The following RPTOR variants were observed in gnomAD, a reference collection of about 807,000 sequenced individuals.
RPTOR encodes the protein regulatory associated protein of MTOR complex 1, also known as regulatory-associated protein of mTOR.
Under a neutral mutation model 169.9 loss-of-function variants are expected in RPTOR, and 21 were observed. That is an observed-to-expected ratio of 0.12 (90% confidence interval 0.09 to 0.18). RPTOR has a LOEUF of 0.18. Ranked by LOEUF, RPTOR falls within the 10% of genes least tolerant of loss-of-function variation. RPTOR has a pLI of 1.00. For synonymous variants in RPTOR, 732 were observed against 753.2 expected, an observed-to-expected ratio of 0.97 and a Z score of 0.46; for missense variants, 1,133 against 1,855.9, an observed-to-expected ratio of 0.61 and a Z score of 7.16.
rs992024271 is a variant in RPTOR, at chr17:80,925,442, G to A, written c.2881G>A (p.Asp961Asn). ...ISATVQTGFC[D>N]WSARYFAQPV... ...CGCCACGGTGCAGACGGGGTTCTGC[G>A]ACTGGAGCGCCCGCTATTTTGCCCA... The change falls in exon 24 of 34, where the codon GAC (aspartate) becomes AAC (asparagine). Residue 961 changes from aspartate to asparagine, a missense_variant. Coordinates refer to ENST00000306801, the MANE Select transcript of RPTOR (RefSeq NM_020761.3). The A allele has an allele frequency of 2.7e-5, 44 of 1,613,442 alleles. No homozygotes were observed. Among genetic ancestry groups the A allele is most frequent in the Non-Finnish European group, 3.4e-5 (40 of 1,180,048 alleles).
At chr17:80,922,282 G>A (rs1231989211) in intron 21 of RPTOR, among the ~76,000 whole-genome samples, 1 of 152,228 alleles carries the variant, frequency 6.6e-6, no homozygotes, top group Non-Finnish European at 1.5e-5. Context: ...TGACCCGAGA[G>A]CTGAGGTGTT....
intron 28 of RPTOR, among the ~76,000 whole-genome samples, chr17:80,956,088 G>C (rs1276541910): frequency 6.6e-6 from 1 of 152,318 alleles, no homozygotes; most frequent in South Asian, 2.1e-4. Context: ...GGCATGTTAC[G>C]TTGTTGATGA....
intron 3 of RPTOR, among the ~76,000 whole-genome samples, chr17:80,648,495 A>C (rs2065613974): frequency 2.0e-5 from 3 of 151,986 alleles, no homozygotes; most frequent in South Asian, 4.2e-4. Context: ...ATGTGTGACA[A>C]ACTGTGAAAC....
chr17:80,580,580 G>A (rs977026290), intron 1 of RPTOR, among the ~76,000 whole-genome samples: 9 of 152,032 alleles, frequency 5.9e-5, no homozygotes, highest in African/African-American at 1.7e-4. Context: ...TATGCCCTTC[G>A]TCCACTTGTA....
chr17:80,776,279 T>TAGGTCAA (rs1403441207), intron 6 of RPTOR, among the ~76,000 whole-genome samples: 1 of 151,654 alleles, frequency 6.6e-6, no homozygotes, highest in Non-Finnish European at 1.5e-5. Context: ...ATAAGATCAG[T>TAGGTCAA]AGGTCAAAGT....
intron 2 of RPTOR, among the ~76,000 whole-genome samples, chr17:80,640,717 TG>T (rs995159806): frequency 6.6e-6 from 1 of 152,020 alleles, no homozygotes; most frequent in African/African-American, 2.4e-5. Flanking sequence ...CTGCCAACAC[TG>T]GGGAGAGGGT....
At chr17:80,847,571 G>T (rs2067746149) in intron 11 of RPTOR, among the ~76,000 whole-genome samples, 1 of 152,236 alleles carries the variant, frequency 6.6e-6, no homozygotes, top group African/African-American at 2.4e-5. Context: ...GCATGGCCGT[G>T]GGGAGGGGCT....
intron 2 of RPTOR, 50 bp downstream of exon 2, chr17:80,625,843 T>G (rs1567825953): frequency 3.6e-6 from 5 of 1,377,146 alleles, no homozygotes; most frequent in Non-Finnish European, 4.1e-6. Context: ...TGGCCGGCTC[T>G]GGCCTGGGCG....
intron 7 of RPTOR, among the ~76,000 whole-genome samples, chr17:80,821,907 A>G (rs1478194801): frequency 6.6e-6 from 1 of 152,184 alleles, no homozygotes; most frequent in East Asian, 1.9e-4. Context: ...TCATCGGTCC[A>G]TGGGAACCAT....
chr17:80,882,508 C>G (rs146448084), intron 14 of RPTOR, among the ~76,000 whole-genome samples: 4 of 152,204 alleles, frequency 2.6e-5, no homozygotes, highest in Non-Finnish European at 5.9e-5. Context: ...GAGCCCTCGG[C>G]GTGCGAGGAA....
At chr17:80,847,981 G>A (rs999163623) in intron 11 of RPTOR, among the ~76,000 whole-genome samples, 5 of 152,250 alleles carry the variant, frequency 3.3e-5, no homozygotes. Flanking sequence ...TGCAGCAGTG[G>A]CAGCCAGCGT....
At position 80,545,586 on chromosome 17, in the gene RPTOR, T is replaced by C; in HGVS notation, c.-44T>C. 6.6e-7 allele frequency: 1 copy of C among 1,510,034 alleles called. No homozygotes were observed. Among genetic ancestry groups the C allele is most frequent in the East Asian group, 2.3e-5 (1 of 42,874 alleles). The allele number at this position is 1,510,034 out of a possible 1,614,324, so 93.5% of individuals were successfully genotyped here. On this transcript the variant is annotated 5_prime_UTR_variant, in exon 1 of 34. Transcript: ENST00000306801. ...CGCTAGTTTTTAAGGCTGGAGGTTC[T>C]CGAGCGCTTGCTGCCAAGGACTCCC...
rs2068003825 is a variant in RPTOR at position 80,867,268 on chromosome 17, T to C, written c.1509+9368T>C. ...ATTTTTAAAGAGAGAAAAGTCCATG[T>C]AATTTACCATATTAAAAAAAGATGA... On this transcript the variant is annotated intron_variant, in intron 13 of 33. Transcript: ENST00000306801. Among the ~76,000 whole-genome samples, 4 of 152,082 alleles carry C rather than the reference T, an allele frequency of 2.6e-5. 1 individual carries two copies. The highest frequency in any genetic ancestry group is 7.2e-5 in the African/African-American group (3 of 41,408).
rs149664578 is a variant in RPTOR, at chr17:80,745,192, T to C, written c.655-8818T>C. 7.1e-3 allele frequency among the ~76,000 whole-genome samples: 1,082 copies of C among 152,378 alleles called. 4 individuals carry two copies. Among genetic ancestry groups the C allele is most frequent in the Non-Finnish European group, 0.011 (778 of 68,026 alleles). On this transcript the variant is annotated intron_variant, in intron 5 of 33. Coordinates refer to ENST00000306801, the MANE Select transcript of RPTOR (RefSeq NM_020761.3). ...TGAGAGAAATTAGTGTAATTTCTAA[T>C]TGACCATCTTCACAGAGTTGTAGAA...
At chr17:80,893,091 G>C (rs946122942) in intron 19 of RPTOR, among the ~76,000 whole-genome samples, 6 of 152,230 alleles carry the variant, frequency 3.9e-5, no homozygotes, top group Non-Finnish European at 7.3e-5. Flanking sequence ...TTACCAATGC[G>C]GCAGGGAGCT....
At chr17:80,785,910 G>T (rs977509978) in intron 6 of RPTOR, among the ~76,000 whole-genome samples, 1 of 152,192 alleles carries the variant, frequency 6.6e-6, no homozygotes, top group African/African-American at 2.4e-5. Context: ...AGAGCAGGGG[G>T]GTGCCACACT....
intron 7 of RPTOR, among the ~76,000 whole-genome samples, chr17:80,806,682 C>T (rs933518436): frequency 6.6e-6 from 1 of 152,222 alleles, no homozygotes; most frequent in Non-Finnish European, 1.5e-5. Context: ...TTTCCAAGAA[C>T]AACCTTGCCC....
intron 1 of RPTOR, among the ~76,000 whole-genome samples, chr17:80,575,067 T>G (rs1370802414): frequency 6.6e-6 from 1 of 152,154 alleles, no homozygotes; most frequent in African/African-American, 2.4e-5. Flanking sequence ...TTGAGATGAG[T>G]ACTTACCTTA....
intron 6 of RPTOR, among the ~76,000 whole-genome samples, chr17:80,769,690 C>T (rs769801428): frequency 2.0e-5 from 3 of 152,118 alleles, no homozygotes; most frequent in Admixed American, 6.5e-5. Context: ...TCGTATCACC[C>T]GCTATGATGA....
Sources: gnomAD v4.1 joint callset for allele counts (sites outside exome capture counted in the v4.1 genomes callset) on GRCh38, gnomAD v4.1.1 for gene constraint, MANE v1.5 for transcripts, NCBI Gene and HGNC (gene_info 2026-07-23, HGNC 2026-07-21) for gene names.